Variants in NR2C1 observed in about 807,000 individuals in gnomAD.
NR2C1 encodes TR2 nuclear hormone receptor.
A neutral mutation model predicts 74.8 loss-of-function variants in NR2C1; 33 were observed. The ratio of observed to expected loss-of-function variants is 0.44; its 90% CI spans 0.33 to 0.59. The LOEUF (loss-of-function observed/expected upper bound fraction) is 0.59. NR2C1 is among the 20% of genes least tolerant of loss of function. The pLI, the probability that NR2C1 is intolerant of heterozygous loss-of-function variation, is 0.02. For synonymous variants in NR2C1, 225 were observed against 240.6 expected, an observed-to-expected ratio of 0.94 and a Z score of 0.60; for missense variants, 568 against 715.6, an observed-to-expected ratio of 0.79 and a Z score of 2.35.
At chr12:95,044,268 A>G (rs542041200) in intron 9 of NR2C1, among the ~76,000 whole-genome samples, 1 of 151,608 alleles carries the variant, frequency 6.6e-6, no homozygotes, top group South Asian at 2.1e-4. Flanking sequence ...CCTGCGTGAT[A>G]TAGCTTTTTT....
chr12:95,045,456 G>T (rs183537617), intron 9 of NR2C1, among the ~76,000 whole-genome samples: 109 of 152,208 alleles, frequency 7.2e-4, no homozygotes, highest in Non-Finnish European at 1.2e-3. Context: ...GACTGGAAGC[G>T]AAGATATTAG....
At chr12:95,038,132 T>A (rs7297049) in intron 10 of NR2C1, among the ~76,000 whole-genome samples, 2 of 152,180 alleles carry the variant, frequency 1.3e-5, no homozygotes, top group Non-Finnish European at 2.9e-5. Flanking sequence ...GGTTGTTACA[T>A]TGAAACTGAT....
intron 1 of NR2C1, among the ~76,000 whole-genome samples, chr12:95,070,740 G>A (rs1259665366): frequency 1.3e-5 from 2 of 152,154 alleles, no homozygotes; most frequent in Admixed American, 6.6e-5. Flanking sequence ...CAAGGTGCCT[G>A]GCACTGTGAA....
chr12:95,057,595 A>G lies in NR2C1; in HGVS notation c.741T>C (p.Ser247=), dbSNP rs1458960875. 1 of 1,614,108 alleles carries G rather than the reference A, an allele frequency of 6.2e-7. No homozygotes were observed. Among genetic ancestry groups the G allele is most frequent in the East Asian group, 2.2e-5 (1 of 44,874 alleles). ...DSGMFMNIHP[S]GVKTESAVLM... is the part of the protein sequence containing the mutation. ...GCACAGCTGACTCAGTTTTTACTCC[A>G]GATGGATGAATATTCATGAACATTC... Residue 247 remains serine, a synonymous_variant, in exon 7 of 14, where the codon TCT becomes TCC. Coordinates refer to ENST00000333003, the MANE Select transcript of NR2C1 (RefSeq NM_003297.4).
intron 12 of NR2C1, chr12:95,028,152 A>G (rs560912469): frequency 1.9e-5 from 7 of 364,740 alleles, no homozygotes; most frequent in Non-Finnish European, 3.4e-5. Flanking sequence ...TAATGCTGCT[A>G]TGACTATTTA....
At chr12:95,028,245 A>G (rs1869616547) in intron 12 of NR2C1, 142 bp downstream of exon 12, 2 of 632,976 alleles carry the variant, frequency 3.2e-6, no homozygotes, top group East Asian at 5.7e-5. Context: ...TGATAACTCC[A>G]TGTTTAACCT....
intron 7 of NR2C1, among the ~76,000 whole-genome samples, chr12:95,056,433 T>C (rs1873882396): frequency 6.6e-6 from 1 of 152,196 alleles, no homozygotes; most frequent in South Asian, 2.1e-4. Flanking sequence ...GTTTTTCCTT[T>C]AGACCCTTGG....
intron 2 of NR2C1, 66 bp downstream of exon 2, chr12:95,067,265 T>C: frequency 8.4e-7 from 1 of 1,197,430 alleles, no homozygotes; most frequent in Non-Finnish European, 1.2e-6. Flanking sequence ...CAGAACCTGG[T>C]ATATGCATTT....
chr12:95,072,469 A>AAAAG, intron 1 of NR2C1, among the ~76,000 whole-genome samples: 1 of 150,834 alleles, frequency 6.6e-6, no homozygotes, highest in East Asian at 2.0e-4. Context: ...AAAAAAAAAA[A>AAAAG]AAAAAGAAAA....
chr12:95,028,517 C>A lies in NR2C1; in HGVS notation c.1401G>T (p.Met467Ile), dbSNP rs879892369. 2 of 1,533,048 alleles carry A rather than the reference C, an allele frequency of 1.3e-6. No individual in the cohort carries two copies. The highest frequency in any genetic ancestry group is 1.8e-5 in the Admixed American group (1 of 56,190). The allele number at this position is 1,533,048 out of a possible 1,614,324, so 95.0% of individuals were successfully genotyped here. A position where few individuals can be genotyped will look rare whatever the true frequency, so the allele number is the denominator to read the frequency against. The part of the protein sequence containing the change: ...CLHNSLQQDK[M>I]STERRKLLME... The stretch of plus-strand genomic sequence containing the variant: ...TCAATAATTTTCTTCTTTCTGTTGA[C>A]ATTTTATCTTTAATTAAAAATAAAC... Residue 467 changes from methionine to isoleucine, a missense_variant, in exon 12 of 14, where the codon ATG becomes ATT. By Grantham distance (10) the Met-to-Ile change is conservative. Transcript: ENST00000333003.
At chr12:95,055,837 C>T (rs1033901581) in intron 7 of NR2C1, among the ~76,000 whole-genome samples, 2 of 151,252 alleles carry the variant, frequency 1.3e-5, no homozygotes, top group African/African-American at 4.9e-5. Flanking sequence ...CCTGTAATCC[C>T]AGCTACTTGG....
At chr12:95,025,085 T>G in intron 13 of NR2C1, 65 bp downstream of exon 13, 1 of 678,628 alleles carries the variant, frequency 1.5e-6, no homozygotes, top group Non-Finnish European at 2.4e-6. Context: ...GTAGTAATAA[T>G]GAGATAACAG....
intron 1 of NR2C1, among the ~76,000 whole-genome samples, chr12:95,072,487 G>C (rs1455231345): frequency 6.9e-6 from 1 of 143,966 alleles, no homozygotes; most frequent in African/African-American, 2.5e-5. Flanking sequence ...AAAAAAAATC[G>C]AGTATCACCA....
intron 7 of NR2C1, among the ~76,000 whole-genome samples, 190 bp downstream of exon 7, chr12:95,057,363 C>CCAAA (rs2136175959): frequency 6.6e-6 from 1 of 151,782 alleles, no homozygotes; most frequent in South Asian, 2.1e-4. Flanking sequence ...CCTCGGCCTC[C>CCAAA]CAAAGTGCTG....
At chr12:95,026,351 AATAACAGAAAC>A (rs1418079820) in intron 12 of NR2C1, among the ~76,000 whole-genome samples, 1 of 152,212 alleles carries the variant, frequency 6.6e-6, no homozygotes, top group Non-Finnish European at 1.5e-5. Flanking sequence ...CTATCAGAAA[AATAACAGAAAC>A]ATGAAAAAAT....
intron 1 of NR2C1, 127 bp downstream of exon 1, chr12:95,073,253 T>A (rs531225298): frequency 6.6e-6 from 1 of 152,296 alleles, no homozygotes; most frequent in South Asian, 2.1e-4. Context: ...ACTGAACGGC[T>A]CCGCTGGCCG....
chr12:95,066,162 AATCTCAT>A (rs1321812873), intron 2 of NR2C1, among the ~76,000 whole-genome samples: 1 of 152,148 alleles, frequency 6.6e-6, no homozygotes, highest in African/African-American at 2.4e-5. Flanking sequence ...CAGAAGTTGG[AATCTCAT>A]ATCTGTTTCT....
chr12:95,058,092 C>A, intron 5 of NR2C1: 1 of 659,496 alleles, frequency 1.5e-6, no homozygotes, highest in South Asian at 2.4e-5. Flanking sequence ...TTCTTTTTGC[C>A]AAACACAAAC....
At chr12:95,072,384 C>A (rs1243839700) in intron 1 of NR2C1, among the ~76,000 whole-genome samples, 5 of 140,912 alleles carry the variant, frequency 3.5e-5, no homozygotes, top group Non-Finnish European at 7.5e-5. Context: ...AACCTGGAGG[C>A]GGAGGTTGCA....
Sources: gnomAD v4.1 joint callset for allele counts (sites outside exome capture counted in the v4.1 genomes callset) on GRCh38, gnomAD v4.1.1 for gene constraint, MANE v1.5 for transcripts, NCBI Gene and HGNC (gene_info 2026-07-23, HGNC 2026-07-21) for gene names.